XYLT1: variants seen among roughly 807,000 people sequenced by gnomAD.
XYLT1 encodes the protein xylosyltransferase 1.
A neutral mutation model predicts 91.3 loss-of-function variants in XYLT1; 36 were observed. The ratio of observed to expected loss-of-function variants is 0.39; its 90% confidence interval spans 0.30 to 0.52. XYLT1 has a LOEUF of 0.52. XYLT1 is among the 20% of genes least tolerant of loss of function. The probability of loss-of-function intolerance (pLI) is 0.68; values close to 1 mark genes in which losing one functional copy is unlikely to be tolerated. For synonymous variants in XYLT1, 588 were observed against 532.0 expected (o/e 1.11, Z -1.45); for missense variants, 1,242 against 1,284.5 (o/e 0.97, Z 0.51).
intron 3 of XYLT1, among the ~76,000 whole-genome samples, chr16:17,230,703 T>G (rs1231370424): frequency 2.0e-5 from 3 of 152,208 alleles, no homozygotes; most frequent in African/African-American, 7.2e-5. Context: ...ATCACTTCCC[T>G]TGGCTCCGTG....
In XYLT1 at chr16:17,443,629, T is replaced by C. The variant is rs572090713; in HGVS notation, c.363+26805A>G. ...TATCCAGCCTCAGGTGGTACCTTTA[T>C]AGAAGTGTGAGAATGGACTAATACA... On this transcript the variant is annotated intron_variant, in intron 1 of 11. Transcript: ENST00000261381. Among the ~76,000 whole-genome samples the C allele has an allele frequency of 1.8e-4, 27 of 152,308 alleles. No individual in the cohort carries two copies. The South Asian group carries it at 5.0e-3, about 28-fold the overall frequency.
chr16:17,312,783 G>T lies in XYLT1; in HGVS notation c.402+45229C>A, dbSNP rs959546191. 9.9e-5 allele frequency among the ~76,000 whole-genome samples: 15 copies of T among 152,244 alleles called. No individual in the cohort carries two copies. The highest frequency in any genetic ancestry group is 3.6e-4 in the African/African-American group (15 of 41,470). ...AGACAGAATAAAGTGACTTGTCCAA[G>T]GAGCTCGAATTCAGGGAATCTAGCT... On this transcript the variant is annotated intron_variant, in intron 2 of 11. Coordinates refer to ENST00000261381, the MANE Select transcript of XYLT1 (RefSeq NM_022166.4). This position sits in a 1 kb window ranked among gnomAD's most constrained non-coding sequence, Gnocchi z 4.4.
intron 2 of XYLT1, among the ~76,000 whole-genome samples, chr16:17,263,288 C>T (rs891669807): frequency 6.6e-6 from 1 of 152,138 alleles, no homozygotes; most frequent in Non-Finnish European, 1.5e-5. Flanking sequence ...CCACCCCCCA[C>T]GGCCAATGAA....
chr16:17,239,562 C>G (rs949531532), intron 3 of XYLT1, among the ~76,000 whole-genome samples: 8 of 150,350 alleles, frequency 5.3e-5, no homozygotes, highest in African/African-American at 2.0e-4. Context: ...CTCATCCACC[C>G]AGTCCATCCA....
chr16:17,152,757 G>C (rs1226253563), intron 6 of XYLT1, among the ~76,000 whole-genome samples: 1 of 152,214 alleles, frequency 6.6e-6, no homozygotes, highest in East Asian at 1.9e-4. Context: ...GTTCAGACCA[G>C]AGAAGAGAGA....
chr16:17,338,574 G>C (rs1217317037), intron 2 of XYLT1: 1 of 450,226 alleles, frequency 2.2e-6, no homozygotes, highest in African/African-American at 2.0e-5. Flanking sequence ...TCTCTGTCGG[G>C]AATGGTCTTT....
intron 2 of XYLT1, among the ~76,000 whole-genome samples, chr16:17,270,984 C>T (rs1308625740): frequency 3.9e-5 from 6 of 152,226 alleles, no homozygotes; most frequent in East Asian, 1.9e-4. Context: ...TCAGAAGTGA[C>T]GCACAGGAGT....
At chr16:17,120,582 A>C (rs770237549) in intron 10 of XYLT1, among the ~76,000 whole-genome samples, 12 of 152,112 alleles carry the variant, frequency 7.9e-5, no homozygotes, top group Non-Finnish European at 1.2e-4. Flanking sequence ...ACCTCTACTC[A>C]TAAGTCTTTC....
intron 3 of XYLT1, among the ~76,000 whole-genome samples, chr16:17,253,121 A>G (rs892257157): frequency 6.6e-6 from 1 of 152,180 alleles, no homozygotes; most frequent in Admixed American, 6.5e-5. Flanking sequence ...GTGTAATTAC[A>G]TCTTAGCTTT....
At chr16:17,228,890 C>G (rs1375326170) in intron 3 of XYLT1, among the ~76,000 whole-genome samples, 1 of 152,178 alleles carries the variant, frequency 6.6e-6, no homozygotes, top group Non-Finnish European at 1.5e-5. Flanking sequence ...AAAACTGTGA[C>G]TCAGAGAGAT....
intron 5 of XYLT1, among the ~76,000 whole-genome samples, chr16:17,180,424 C>T (rs534835531): frequency 2.6e-4 from 40 of 152,198 alleles, no homozygotes; most frequent in African/African-American, 7.2e-4. Flanking sequence ...AACCAGATTC[C>T]GGCATCCTGA....
intron 7 of XYLT1, among the ~76,000 whole-genome samples, chr16:17,140,281 T>G (rs996051925): frequency 3.9e-5 from 6 of 152,172 alleles, no homozygotes; most frequent in Non-Finnish European, 8.8e-5. Context: ...CAGGGAATAA[T>G]AGAGCAATGT....
intron 3 of XYLT1, among the ~76,000 whole-genome samples, chr16:17,253,785 C>T (rs2125199): frequency 0.65 from 97,758 of 150,350 alleles, 33,740 homozygotes; most frequent in African/African-American, 0.88. Context: ...GCACCCCTGG[C>T]TTCCCAATAA....
chr16:17,129,047 AC>A (rs2030363681), intron 9 of XYLT1, among the ~76,000 whole-genome samples: 1 of 130,526 alleles, frequency 7.7e-6, no homozygotes, highest in Non-Finnish European at 1.6e-5. Flanking sequence ...TTGCCTTGTT[AC>A]TGGGATGCCT....
intron 3 of XYLT1, among the ~76,000 whole-genome samples, chr16:17,253,832 G>T (rs1349564448): frequency 7.3e-6 from 1 of 137,750 alleles, no homozygotes; most frequent in Non-Finnish European, 1.6e-5. Flanking sequence ...TTGAGAGAGA[G>T]AGAGAGAGAG....
intron 3 of XYLT1, among the ~76,000 whole-genome samples, chr16:17,236,784 T>C (rs1264957080): frequency 1.3e-5 from 2 of 152,218 alleles, no homozygotes; most frequent in East Asian, 1.9e-4. Context: ...GGCATTCTTC[T>C]AGTGTGCATG....
chr16:17,390,991 T>C (rs1208471749), intron 1 of XYLT1, among the ~76,000 whole-genome samples: 2 of 151,978 alleles, frequency 1.3e-5, no homozygotes, highest in Non-Finnish European at 2.9e-5. Context: ...TGAGACAAGA[T>C]CACCCCATTG....
At chr16:17,114,589 A>G (rs2141480617) in intron 11 of XYLT1, among the ~76,000 whole-genome samples, 1 of 152,208 alleles carries the variant, frequency 6.6e-6, no homozygotes, top group Non-Finnish European at 1.5e-5. Context: ...TTTCCCAAAC[A>G]ACTCCCTTTG....
At chr16:17,307,521 T>A (rs1298382609) in intron 2 of XYLT1, among the ~76,000 whole-genome samples, 1 of 152,182 alleles carries the variant, frequency 6.6e-6, no homozygotes, top group Non-Finnish European at 1.5e-5. Context: ...GCAGAGGAAA[T>A]CTGATCTGAA....
Sources: allele counts gnomAD v4.1 joint callset (sites outside exome capture counted in the v4.1 genomes callset), GRCh38; gene constraint gnomAD v4.1.1; non-coding constraint Gnocchi (gnomAD v3.1); transcripts MANE v1.5; gene names NCBI Gene and HGNC (gene_info 2026-07-23, HGNC 2026-07-21).